The following RILPL1 variants were observed in gnomAD, a reference collection of about 807,000 sequenced individuals.
RILPL1 encodes Rab interacting lysosomal protein like 1, also known as RILP-like protein 1.
In RILPL1, 33 loss-of-function variants were observed where a neutral mutation model predicts 50.3. The ratio of observed to expected loss-of-function variants is 0.66; its 90% CI spans 0.50 to 0.88. The LOEUF (loss-of-function observed/expected upper bound fraction) is 0.88, where lower values mean the gene tolerates loss of function less well. Among genes scored for constraint, RILPL1 ranks in the 40% least tolerant of loss-of-function variants. The pLI is 0.00. For synonymous variants in RILPL1, 205 were observed against 228.6 expected (o/e 0.90, Z 0.93); for missense variants, 418 against 542.5 (o/e 0.77, Z 2.28).
chr12:123,480,309 C>T (rs1881880280), intron 6 of RILPL1, among the ~76,000 whole-genome samples: 1 of 151,510 alleles, frequency 6.6e-6, no homozygotes, highest in Admixed American at 6.6e-5. Flanking sequence ...TACAGGTGCC[C>T]ACCACCACAC....
intron 1 of RILPL1, among the ~76,000 whole-genome samples, chr12:123,529,661 G>A (rs1241595075): frequency 6.6e-6 from 1 of 151,866 alleles, no homozygotes; most frequent in Non-Finnish European, 1.5e-5. Flanking sequence ...GGACAAGACA[G>A]GAGGACTGCT....
chr12:123,529,916 A>T (rs1277766183), intron 1 of RILPL1, among the ~76,000 whole-genome samples: 1 of 150,692 alleles, frequency 6.6e-6, no homozygotes, highest in Non-Finnish European at 1.5e-5. Flanking sequence ...TCTCTTCCTC[A>T]TGCTAGAATA....
At chr12:123,496,097 C>T (rs1018008742) in intron 4 of RILPL1, among the ~76,000 whole-genome samples, 1 of 152,042 alleles carries the variant, frequency 6.6e-6, no homozygotes, top group Admixed American at 6.6e-5. Context: ...ACCACAACCT[C>T]CACGTCCCGG....
intron 2 of RILPL1, chr12:123,514,072 C>T (rs1489898460): frequency 2.0e-5 from 3 of 152,282 alleles, no homozygotes; most frequent in Admixed American, 2.0e-4. Context: ...CAAATGTCCC[C>T]CCGCTAAGAA....
At chr12:123,493,902 C>T (rs968791314) in intron 4 of RILPL1, among the ~76,000 whole-genome samples, 1 of 151,280 alleles carries the variant, frequency 6.6e-6, no homozygotes, top group East Asian at 1.9e-4. Context: ...CTCCTGCCTT[C>T]GCCTCCTGAG....
chr12:123,529,473 T>C (rs916136364), intron 1 of RILPL1, among the ~76,000 whole-genome samples: 5 of 152,166 alleles, frequency 3.3e-5, no homozygotes, highest in Admixed American at 1.3e-4. Flanking sequence ...GATGAGGTTT[T>C]GCCATGTTGG....
intron 2 of RILPL1, among the ~76,000 whole-genome samples, chr12:123,509,406 A>G (rs529239301): frequency 4.2e-4 from 64 of 152,010 alleles, no homozygotes; most frequent in African/African-American, 1.5e-3. Flanking sequence ...TCTACTAAAA[A>G]TACAAAATTA....
intron 2 of RILPL1, among the ~76,000 whole-genome samples, chr12:123,520,247 G>A (rs554149326): frequency 7.9e-5 from 12 of 152,222 alleles, no homozygotes; most frequent in Non-Finnish European, 1.6e-4. Flanking sequence ...AACGGAATAT[G>A]ATTCAGACAA....
chr12:123,497,109 G>A (rs746471413), intron 4 of RILPL1, among the ~76,000 whole-genome samples: 2 of 152,242 alleles, frequency 1.3e-5, no homozygotes, highest in Admixed American at 6.5e-5. Context: ...GTGCTGCCGC[G>A]TGGCCAGGGC....
At position 123,470,278 on chromosome 12, in the gene RILPL1, G is replaced by A. The variant is rs1881124339; in HGVS notation, c.*2260C>T. 1 of 151,754 alleles carries A rather than the reference G, an allele frequency of 6.6e-6. No individual in the cohort carries two copies. Among genetic ancestry groups the A allele is most frequent in the African/African-American group, 2.4e-5 (1 of 41,304 alleles). 9.4% of individuals were successfully genotyped at this position (151,754 alleles called of 1,614,324 possible). A position where few individuals can be genotyped will look rare whatever the true frequency, so the allele number is the denominator to read the frequency against. Reference sequence around the variant, plus strand: ...GGATCACTTGAGCCCAGGAGTTTGAGACCAGCTTAGGCAACAAAGTAAGAC... The same window carrying A: ...GGATCACTTGAGCCCAGGAGTTTGAAACCAGCTTAGGCAACAAAGTAAGAC... On this transcript the variant is annotated 3_prime_UTR_variant, in exon 7 of 7. Coordinates refer to ENST00000376874, the MANE Select transcript of RILPL1 (RefSeq NM_178314.5).
intron 5 of RILPL1, chr12:123,484,838 G>C (rs1415656952): frequency 3.9e-6 from 1 of 253,998 alleles, no homozygotes; most frequent in Non-Finnish European, 8.0e-6. Context: ...AAAAATTTTT[G>C]TGTAGAGATG....
At chr12:123,532,390 A>G (rs914084075) in intron 1 of RILPL1, among the ~76,000 whole-genome samples, 5 of 152,144 alleles carry the variant, frequency 3.3e-5, no homozygotes, top group African/African-American at 1.2e-4. Flanking sequence ...TTAGCCTTAA[A>G]GCCACCCCAA....
chr12:123,521,690 C>T (rs71444589), intron 2 of RILPL1, among the ~76,000 whole-genome samples: 10 of 7,790 alleles, frequency 1.3e-3, no homozygotes, highest in South Asian at 7.1e-3. Context: ...TATATACACA[C>T]ATATATGTAT....
At chr12:123,502,741 C>T (rs1024317435) in intron 2 of RILPL1, among the ~76,000 whole-genome samples, 1 of 152,204 alleles carries the variant, frequency 6.6e-6, no homozygotes, top group African/African-American at 2.4e-5. Context: ...CCTGCACCTG[C>T]TGTAACAAAT....
chr12:123,496,893 G>A (rs954149409), intron 4 of RILPL1, among the ~76,000 whole-genome samples: 3 of 152,188 alleles, frequency 2.0e-5, no homozygotes, highest in South Asian at 4.1e-4. Context: ...CTCTAATTCC[G>A]GATCATTTCC....
At chr12:123,479,792 C>T (rs983591958) in intron 6 of RILPL1, among the ~76,000 whole-genome samples, 15 of 152,194 alleles carry the variant, frequency 9.9e-5, no homozygotes, top group African/African-American at 3.6e-4. Flanking sequence ...CTCAGAGCCC[C>T]ACACTTTCCT....
chr12:123,500,980 C>T lies in RILPL1; in HGVS notation c.461-1444G>A, dbSNP rs187127120. Among the ~76,000 whole-genome samples the T allele has an allele frequency of 6.4e-3, 968 of 151,824 alleles. 11 individuals are homozygous for T. Among genetic ancestry groups the T allele is most frequent in the African/African-American group, 0.023 (934 of 41,380 alleles). ...AAAATTAGCCGGCTATGGTGGCGGG[C>T]ACCTGTAATCCCAGCTACTCGGGAG... On this transcript the variant is annotated intron_variant, in intron 2 of 6. Transcript: ENST00000376874.
intron 4 of RILPL1, among the ~76,000 whole-genome samples, chr12:123,497,968 G>A (rs1883133926): frequency 1.3e-5 from 2 of 152,204 alleles, no homozygotes; most frequent in Non-Finnish European, 1.5e-5. Context: ...ACTAACTAAT[G>A]TCTGCCTCCC....
chr12:123,480,450 C>A (rs549666504), intron 6 of RILPL1, among the ~76,000 whole-genome samples: 1 of 152,008 alleles, frequency 6.6e-6, no homozygotes, highest in South Asian at 2.1e-4. Context: ...GTTGAGCCAC[C>A]GTGCCCGGCC....
Sources: gnomAD v4.1 joint callset for allele counts (sites outside exome capture counted in the v4.1 genomes callset) on GRCh38, gnomAD v4.1.1 for gene constraint, MANE v1.5 for transcripts, NCBI Gene and HGNC (gene_info 2026-07-23, HGNC 2026-07-21) for gene names.